Variants in NRXN3 observed in about 807,000 individuals in gnomAD.
NRXN3 encodes the protein neurexin 3, also known as neurexin III.
NRXN3 carries 32 observed loss-of-function variants against 137.6 expected under a neutral mutation model. That is an observed-to-expected ratio of 0.23 (90% confidence interval 0.18 to 0.31). The LOEUF is 0.31. NRXN3 is among the 10% of genes least tolerant of loss of function. NRXN3 has a pLI of 1.00. For missense variants in NRXN3, 1,574 were observed against 2,062.5 expected (o/e 0.76, Z 4.59); for synonymous variants, 798 against 784.5 (o/e 1.02, Z -0.29).
chr14:78,958,754 C>T (rs2099402230), intron 11 of NRXN3, among the ~76,000 whole-genome samples: 1 of 152,164 alleles, frequency 6.6e-6, no homozygotes, highest in Non-Finnish European at 1.5e-5. Context: ...AGATTTGGGG[C>T]AGCATGGGGT....
intron 10 of NRXN3, among the ~76,000 whole-genome samples, chr14:78,943,462 A>G (rs1201451898): frequency 6.6e-6 from 1 of 150,774 alleles, no homozygotes; most frequent in African/African-American, 2.4e-5. Flanking sequence ...CCCTGGTGGG[A>G]CACTCTAAAA....
intron 15 of NRXN3, among the ~76,000 whole-genome samples, chr14:79,092,302 T>A (rs1296430376): frequency 6.6e-6 from 1 of 152,200 alleles, no homozygotes; most frequent in African/African-American, 2.4e-5. Context: ...TCTTTTGTAA[T>A]CACATGATTA....
At chr14:79,813,719 A>AT (rs2099242855) in intron 20 of NRXN3, among the ~76,000 whole-genome samples, 1 of 151,780 alleles carries the variant, frequency 6.6e-6, no homozygotes, top group Non-Finnish European at 1.5e-5. Flanking sequence ...TTCTATGCAT[A>AT]TTTTTCCTTT....
intron 20 of NRXN3, among the ~76,000 whole-genome samples, chr14:79,808,255 A>AAAATATAT (rs1555750671): frequency 8.1e-6 from 1 of 123,980 alleles, no homozygotes; most frequent in African/African-American, 3.3e-5. Flanking sequence ...AAAAAAAAAA[A>AAAATATAT]ATATATATAT....
chr14:78,266,448 A>G (rs1398532089), intron 2 of NRXN3, among the ~76,000 whole-genome samples: 1 of 152,046 alleles, frequency 6.6e-6, no homozygotes, highest in African/African-American at 2.4e-5. Flanking sequence ...ACAGGCACAT[A>G]CCACCACGCC....
At chr14:79,388,530 AGAGGATTTCATTGATCTGTTGCCCCATG>A (rs907770287) in intron 15 of NRXN3, among the ~76,000 whole-genome samples, 6 of 152,084 alleles carry the variant, frequency 3.9e-5, no homozygotes, top group Non-Finnish European at 8.8e-5. Flanking sequence ...CAGTTCTTTC[AGAGGATTTCATTGATCTGTTGCCCCATG>A]GTGCTTTGTG....
At chr14:79,571,939 C>T (rs1161316272) in intron 16 of NRXN3, among the ~76,000 whole-genome samples, 1 of 152,114 alleles carries the variant, frequency 6.6e-6, no homozygotes, top group East Asian at 1.9e-4. Context: ...TATTTCCCTA[C>T]AGATTTTCCT....
chr14:79,599,714 G>A (rs2097901867), intron 16 of NRXN3, among the ~76,000 whole-genome samples: 1 of 152,170 alleles, frequency 6.6e-6, no homozygotes, highest in Admixed American at 6.5e-5. Context: ...ACTGAGGTGG[G>A]CCAGGCACAG....
chr14:79,616,740 G>A (rs777712192), intron 16 of NRXN3, among the ~76,000 whole-genome samples: 12 of 152,168 alleles, frequency 7.9e-5, no homozygotes, highest in Non-Finnish European at 1.5e-4. Context: ...TGTATTCCAT[G>A]GGTTCAATGG....
At chr14:78,595,005 C>G (rs1328467939) in intron 4 of NRXN3, among the ~76,000 whole-genome samples, 1 of 152,118 alleles carries the variant, frequency 6.6e-6, no homozygotes, top group African/African-American at 2.4e-5. Flanking sequence ...AATGTATAGG[C>G]TATGGTGGTG....
rs559901145 is a variant in NRXN3 at position 78,880,101 on chromosome 14, G to A, written c.2275+69757G>A. ...AAAAATACAAAAAAATTAGCCGGGC[G>A]TAGTGGCGGGCGCCTGTAGTCCCAG... On this transcript the variant is annotated intron_variant, in intron 10 of 20. Transcript: ENST00000335750. Among the ~76,000 whole-genome samples, 24 of 147,446 alleles carry A rather than the reference G, an allele frequency of 1.6e-4. No individual in the cohort carries two copies. The South Asian group carries it at 4.2e-3, about 26-fold the overall frequency.
At chr14:78,262,977 G>A (rs1258642850) in intron 2 of NRXN3, among the ~76,000 whole-genome samples, 2 of 152,072 alleles carry the variant, frequency 1.3e-5, no homozygotes, top group African/African-American at 2.4e-5. Context: ...TACACAAGGC[G>A]CTAGAGTGAA....
At chr14:79,571,614 C>A (rs957949536) in intron 16 of NRXN3, among the ~76,000 whole-genome samples, 13 of 152,124 alleles carry the variant, frequency 8.5e-5, no homozygotes, top group African/African-American at 3.1e-4. Flanking sequence ...TCCATAGGAT[C>A]ATTTTTCCCG....
chr14:78,768,654 G>C (rs1054997609), intron 8 of NRXN3, among the ~76,000 whole-genome samples: 2 of 152,144 alleles, frequency 1.3e-5, no homozygotes, highest in African/African-American at 4.8e-5. Flanking sequence ...TCAGGAAACT[G>C]TGTCTGAATA....
chr14:79,037,234 G>A (rs1209153597), intron 15 of NRXN3, among the ~76,000 whole-genome samples: 1 of 152,040 alleles, frequency 6.6e-6, no homozygotes, highest in African/African-American at 2.4e-5. Context: ...CCTGTTGAAT[G>A]CCTTGCTTTC....
intron 15 of NRXN3, among the ~76,000 whole-genome samples, chr14:79,092,006 A>G (rs2152808146): frequency 6.6e-6 from 1 of 152,330 alleles, no homozygotes; most frequent in East Asian, 1.9e-4. Context: ...ATTAAAAAGG[A>G]AATCTAAAGG....
At chr14:79,546,972 T>A (rs1032970247) in intron 16 of NRXN3, among the ~76,000 whole-genome samples, 1 of 152,148 alleles carries the variant, frequency 6.6e-6, no homozygotes, top group African/African-American at 2.4e-5. Flanking sequence ...CAGGAAAAGC[T>A]CTGATTATTG....
intron 16 of NRXN3, among the ~76,000 whole-genome samples, chr14:79,610,436 A>C (rs1176647721): frequency 1.3e-5 from 2 of 152,180 alleles, no homozygotes; most frequent in Admixed American, 6.5e-5. Flanking sequence ...CTAAGTTGTA[A>C]AATCCTTAAG....
At chr14:78,801,458 G>A (rs189142327) in intron 8 of NRXN3, among the ~76,000 whole-genome samples, 1 of 152,288 alleles carries the variant, frequency 6.6e-6, no homozygotes, top group Admixed American at 6.5e-5. Flanking sequence ...TTTTTCACAA[G>A]GCGGCAGGAG....
Sources: gnomAD v4.1 joint callset for allele counts (sites outside exome capture counted in the v4.1 genomes callset) on GRCh38, gnomAD v4.1.1 for gene constraint, MANE v1.5 for transcripts, NCBI Gene and HGNC (gene_info 2026-07-23, HGNC 2026-07-21) for gene names.